The following CA10 variants were observed in gnomAD, a reference collection of about 807,000 sequenced individuals.
CA10 encodes carbonic anhydrase 10 (inactive), also known as carbonic anhydrase-related protein 10.
CA10 carries 14 observed loss-of-function variants against 44.2 expected under a neutral mutation model. That is an observed-to-expected ratio of 0.32 (90% CI 0.21 to 0.50). The LOEUF is 0.50. CA10 is among the 20% of genes least tolerant of loss of function. The probability of loss-of-function intolerance (pLI) is 0.99; values close to 1 mark genes in which losing one functional copy is unlikely to be tolerated. For missense variants in CA10, 350 were observed against 409.7 expected, an observed-to-expected ratio of 0.85 and a Z score of 1.26; for synonymous variants, 159 against 141.6, an observed-to-expected ratio of 1.12 and a Z score of -0.87.
intron 3 of CA10, among the ~76,000 whole-genome samples, chr17:51,927,643 A>T (rs1481422936): frequency 1.3e-5 from 2 of 152,148 alleles, no homozygotes; most frequent in Non-Finnish European, 2.9e-5. Flanking sequence ...ACACAAACAC[A>T]CTGCGTACAC....
intron 3 of CA10, among the ~76,000 whole-genome samples, chr17:51,840,948 T>C (rs1279721170): frequency 6.6e-6 from 1 of 152,158 alleles, no homozygotes; most frequent in Non-Finnish European, 1.5e-5. Context: ...CTGAGTCCCT[T>C]TCATGAGACC....
chr17:52,098,224 C>T (rs895424803), intron 1 of CA10, among the ~76,000 whole-genome samples: 2 of 152,160 alleles, frequency 1.3e-5, no homozygotes, highest in Non-Finnish European at 2.9e-5. Context: ...TGATAGTGCT[C>T]AGAACAATAC....
rs1479077500 is a variant in CA10 at position 51,849,203 on chromosome 17, A to ATGTG, written c.279+81786_279+81787insCACA. 4.0e-3 allele frequency among the ~76,000 whole-genome samples: 171 copies of ATGTG among 43,090 alleles called. 3 individuals carry two copies. Among genetic ancestry groups the ATGTG allele is most frequent in the Middle Eastern group, 0.011 (1 of 92 alleles). The allele number at this position is 43,090 out of a possible 152,430, so 28.3% of individuals were successfully genotyped here. A position where few individuals can be genotyped will look rare whatever the true frequency, so the allele number is the denominator to read the frequency against. Reference sequence around the variant, plus strand: ...TATATGTATATATATATATACATATATGTATATATATATATACATATATGT... The same window carrying ATGTG: ...TATATGTATATATATATATACATATATGTGTGTATATATATATATACATATATGT... On this transcript the variant is annotated intron_variant, in intron 3 of 8. Transcript: ENST00000451037.
chr17:52,157,540 C>CA (rs1555571073), intron 1 of CA10, among the ~76,000 whole-genome samples, 186 bp downstream of exon 1: 3 of 130,380 alleles, frequency 2.3e-5, no homozygotes, highest in African/African-American at 8.7e-5. Flanking sequence ...CCCCCCCCCG[C>CA]AAAACACACA....
intron 3 of CA10, among the ~76,000 whole-genome samples, chr17:51,772,673 T>A (rs1905656479): frequency 6.6e-6 from 1 of 152,118 alleles, no homozygotes; most frequent in African/African-American, 2.4e-5. Flanking sequence ...AAGCATTTTT[T>A]TTTTTTTGAA....
intron 3 of CA10, among the ~76,000 whole-genome samples, chr17:51,886,714 A>T (rs1980618141): frequency 6.6e-6 from 1 of 152,228 alleles, no homozygotes; most frequent in African/African-American, 2.4e-5. Context: ...CAGTAGAACT[A>T]GTAAAGAATA....
intron 3 of CA10, among the ~76,000 whole-genome samples, chr17:51,843,413 T>C (rs2143808563): frequency 6.6e-6 from 1 of 152,370 alleles, no homozygotes; most frequent in Middle Eastern, 3.4e-3. Flanking sequence ...GTTTTTGCCT[T>C]GCACACTGGT....
intron 8 of CA10, among the ~76,000 whole-genome samples, chr17:51,632,371 C>G (rs189032258): frequency 6.6e-6 from 1 of 152,032 alleles, no homozygotes; most frequent in Non-Finnish European, 1.5e-5. Flanking sequence ...CTGGTAGTTC[C>G]GGCTGGAAGG....
chr17:52,105,794 G>C (rs1300836903), intron 1 of CA10, among the ~76,000 whole-genome samples: 1 of 152,174 alleles, frequency 6.6e-6, no homozygotes, highest in Non-Finnish European at 1.5e-5. Flanking sequence ...GTGTATATGA[G>C]ACATAGTGAC....
At chr17:51,652,295 A>G (rs1913604139) in intron 5 of CA10, among the ~76,000 whole-genome samples, 1 of 152,218 alleles carries the variant, frequency 6.6e-6, no homozygotes, top group African/African-American at 2.4e-5. Flanking sequence ...ATAGATGTAA[A>G]ATACATATCA....
At chr17:51,901,876 G>C (rs1981332553) in intron 3 of CA10, among the ~76,000 whole-genome samples, 1 of 151,998 alleles carries the variant, frequency 6.6e-6, no homozygotes, top group African/African-American at 2.4e-5. Flanking sequence ...AAGTTATAAA[G>C]TTAGTATAAG....
At chr17:52,021,349 T>C (rs1339375852) in intron 2 of CA10, among the ~76,000 whole-genome samples, 1 of 152,102 alleles carries the variant, frequency 6.6e-6, no homozygotes, top group East Asian at 1.9e-4. Context: ...CTTGGTTGAA[T>C]AGTAGTTCCA....
rs138884674 is a variant in CA10, at chr17:51,700,535, A to G, written c.466-46799T>C. Reference sequence around the variant, plus strand: ...CGGCACCTGCTTCCTCTGCTGCCACATTGTTCCCCACCTGTGCTTGGCTCA... The same window carrying G: ...CGGCACCTGCTTCCTCTGCTGCCACGTTGTTCCCCACCTGTGCTTGGCTCA... On this transcript the variant is annotated intron_variant, in intron 4 of 8. Transcript: ENST00000451037. Among the ~76,000 whole-genome samples, 445 of 151,946 alleles carry G rather than the reference A, an allele frequency of 2.9e-3. 3 individuals carry two copies. The highest frequency in any genetic ancestry group is 0.011 in the African/African-American group (437 of 41,422).
intron 2 of CA10, among the ~76,000 whole-genome samples, chr17:52,065,650 A>T (rs1987516373): frequency 6.6e-6 from 1 of 152,148 alleles, no homozygotes; most frequent in Non-Finnish European, 1.5e-5. Context: ...GTAAAATCCA[A>T]ACTTCTAGTT....
intron 3 of CA10, among the ~76,000 whole-genome samples, chr17:51,810,820 T>G (rs1349503752): frequency 1.3e-5 from 2 of 152,236 alleles, no homozygotes; most frequent in East Asian, 3.8e-4. Flanking sequence ...CAGGACTTGA[T>G]GCTTGCTTGA....
intron 3 of CA10, among the ~76,000 whole-genome samples, chr17:51,905,031 C>T (rs576437464): frequency 6.6e-6 from 1 of 152,282 alleles, no homozygotes; most frequent in African/African-American, 2.4e-5. Flanking sequence ...TTTGCTCTCA[C>T]ATTCAGCACG....
chr17:52,117,882 TG>T (rs1199155518), intron 1 of CA10, among the ~76,000 whole-genome samples: 4 of 152,224 alleles, frequency 2.6e-5, no homozygotes, highest in Non-Finnish European at 4.4e-5. Context: ...AAACACATTG[TG>T]GAAGGTTTCT....
At chr17:51,964,065 G>T (rs1157863501) in intron 2 of CA10, among the ~76,000 whole-genome samples, 2 of 152,028 alleles carry the variant, frequency 1.3e-5, no homozygotes, top group Non-Finnish European at 2.9e-5. Context: ...AAGGGCTGGA[G>T]AAGGTTCTAT....
intron 8 of CA10, among the ~76,000 whole-genome samples, chr17:51,632,525 G>A (rs114953743): frequency 0.011 from 1,669 of 152,302 alleles, 31 homozygotes; most frequent in African/African-American, 0.038. Flanking sequence ...AATAACCACA[G>A]CCCTCCTATT....
Sources: allele counts gnomAD v4.1 joint callset (sites outside exome capture counted in the v4.1 genomes callset), GRCh38; gene constraint gnomAD v4.1.1; transcripts MANE v1.5; gene names NCBI Gene and HGNC (gene_info 2026-07-23, HGNC 2026-07-21).